MTNAP1: variants seen among roughly 807,000 people sequenced by gnomAD.
MTNAP1 encodes the protein mitochondrial nucleoid associated protein 1, also known as mitochondrial nucleoid-associated protein 1.
chr17:73,244,706 GA>G, the MTNAP1 span: 76,670 of 150,672 alleles, frequency 0.51, 19,447 homozygotes, highest in East Asian at 0.62. Flanking sequence ...GACTTCTTAA[GA>G]AAAAAAAAAA....
the MTNAP1 span, chr17:73,245,036 C>A: frequency 2.6e-6 from 2 of 777,474 alleles, no homozygotes; most frequent in South Asian, 1.9e-5. Context: ...GTGAAACAAA[C>A]TTCTCATTGT....
At chr17:73,245,742 A>G in the MTNAP1 span, 2 of 984,162 alleles carry the variant, frequency 2.0e-6, no homozygotes, top group Admixed American at 1.2e-4. Context: ...CCTCCGAAAA[A>G]AAGCTTACAA....
At chr17:73,243,564 TC>T in the MTNAP1 span, among the ~76,000 whole-genome samples, 2 of 149,868 alleles carry the variant, frequency 1.3e-5, no homozygotes, top group East Asian at 1.9e-4. Context: ...TTTTTTTTTT[TC>T]CCACCCAGGC....
chr17:73,248,685 G>A, the MTNAP1 span: 3 of 821,860 alleles, frequency 3.7e-6, no homozygotes, highest in Non-Finnish European at 5.9e-6. Flanking sequence ...CTACAAGTTG[G>A]GAATATTCAC....
the MTNAP1 span, chr17:73,247,342 G>A: frequency 6.2e-7 from 1 of 1,614,118 alleles, no homozygotes; most frequent in Non-Finnish European, 8.5e-7. Flanking sequence ...TTTGGATTAG[G>A]AAGCACGTTT....
At chr17:73,235,467 C>CT in the MTNAP1 span, 4 of 1,584,970 alleles carry the variant, frequency 2.5e-6, no homozygotes, top group Middle Eastern at 3.4e-4. Flanking sequence ...TCACATTTAC[C>CT]TTTTTCAGGA....
the MTNAP1 span, among the ~76,000 whole-genome samples, chr17:73,240,570 T>G: frequency 1.3e-5 from 2 of 152,244 alleles, no homozygotes; most frequent in Non-Finnish European, 2.9e-5. Flanking sequence ...GACTGCAAAT[T>G]AGAGTTTTAT....
At chr17:73,237,066 G>A in the MTNAP1 span, 135 of 1,360,560 alleles carry the variant, frequency 9.9e-5, 3 homozygotes, top group South Asian at 2.0e-3. Flanking sequence ...AATTTATAAG[G>A]GTCAAAATAC....
chr17:73,238,621 C>T, the MTNAP1 span, among the ~76,000 whole-genome samples: 1 of 152,236 alleles, frequency 6.6e-6, no homozygotes, highest in Non-Finnish European at 1.5e-5. Flanking sequence ...CCGTAATAAA[C>T]ACATTTAATT....
the MTNAP1 span, chr17:73,235,641 A>C: frequency 4.3e-6 from 7 of 1,614,222 alleles, no homozygotes; most frequent in Non-Finnish European, 5.1e-6. Context: ...CACGTGCTAA[A>C]AAGATGAAAG....
At chr17:73,239,533 T>TTTC in the MTNAP1 span, among the ~76,000 whole-genome samples, 1 of 149,484 alleles carries the variant, frequency 6.7e-6, no homozygotes, top group East Asian at 1.9e-4. Flanking sequence ...TTTTTTTTTT[T>TTTC]CTTGAGACAG....
chr17:73,241,303 G>A, the MTNAP1 span, among the ~76,000 whole-genome samples: 3 of 152,038 alleles, frequency 2.0e-5, no homozygotes, highest in Non-Finnish European at 4.4e-5. Flanking sequence ...GACTACAAGC[G>A]CCCGCCACCA....
the MTNAP1 span, among the ~76,000 whole-genome samples, chr17:73,241,888 C>T: frequency 2.0e-5 from 3 of 152,142 alleles, no homozygotes; most frequent in Admixed American, 1.3e-4. Flanking sequence ...AAGATCATGC[C>T]ACTGCACTCC....
At chr17:73,232,672 T>G in the MTNAP1 span, 1 of 203,568 alleles carries the variant, frequency 4.9e-6, no homozygotes, top group Non-Finnish European at 9.8e-6. Flanking sequence ...GGGGCTTCCC[T>G]GGGGGGCTTG....
At chr17:73,241,453 C>A in the MTNAP1 span, among the ~76,000 whole-genome samples, 2 of 152,108 alleles carry the variant, frequency 1.3e-5, no homozygotes, top group African/African-American at 4.8e-5. Flanking sequence ...CCACCGCGCC[C>A]GGCCTGCATA....
the MTNAP1 span, among the ~76,000 whole-genome samples, chr17:73,239,283 C>T: frequency 6.6e-6 from 1 of 152,080 alleles, no homozygotes; most frequent in Non-Finnish European, 1.5e-5. Context: ...CATGATAAAT[C>T]TCTCTACCAA....
the MTNAP1 span, among the ~76,000 whole-genome samples, chr17:73,234,791 GTA>G: frequency 0.027 from 4,154 of 151,508 alleles, 209 homozygotes; most frequent in African/African-American, 0.096. Flanking sequence ...GTGTGTGTGT[GTA>G]TATGCATATT....
the MTNAP1 span, chr17:73,242,162 C>G: frequency 1.2e-6 from 1 of 850,928 alleles, no homozygotes; most frequent in East Asian, 2.7e-5. Flanking sequence ...TGAGGCTTAG[C>G]CGTGGATCCT....
chr17:73,235,128 G>A, the MTNAP1 span, among the ~76,000 whole-genome samples: 2 of 35,804 alleles, frequency 5.6e-5, no homozygotes, highest in Non-Finnish European at 1.4e-4. Flanking sequence ...AGGCTGAGAC[G>A]AGAATTGCTT....
Sources: allele counts gnomAD v4.1 joint callset (sites outside exome capture counted in the v4.1 genomes callset), GRCh38; gene constraint gnomAD v4.1.1; transcripts MANE v1.5; gene names NCBI Gene and HGNC (gene_info 2026-07-23, HGNC 2026-07-21).